The following FAM135B variants were observed in gnomAD, a reference collection of about 807,000 sequenced individuals.
FAM135B encodes the protein protein FAM135B.
In FAM135B, 43 loss-of-function variants were observed where a neutral mutation model predicts 127.7. The observed-to-expected ratio is 0.34, with a 90% CI of 0.26 to 0.43. FAM135B has a LOEUF of 0.43. Among genes scored for constraint, FAM135B ranks in the 20% least tolerant of loss-of-function variants. The probability of loss-of-function intolerance (pLI) is 1.00; values close to 1 mark genes in which losing one functional copy is unlikely to be tolerated. For synonymous variants in FAM135B, 670 were observed against 665.1 expected (o/e 1.01, Z -0.11); for missense variants, 1,558 against 1,725.6 (o/e 0.90, Z 1.72).
chr8:138,237,089 G>A (rs1442676011), intron 7 of FAM135B, among the ~76,000 whole-genome samples: 1 of 151,752 alleles, frequency 6.6e-6, no homozygotes, highest in African/African-American at 2.4e-5. Context: ...GAAGAAAAGT[G>A]GTGTGCAGCC....
At chr8:138,382,364 C>T (rs1831910290) in intron 1 of FAM135B, among the ~76,000 whole-genome samples, 1 of 152,170 alleles carries the variant, frequency 6.6e-6, no homozygotes, top group Non-Finnish European at 1.5e-5. Context: ...TCCTCTTTCT[C>T]CAGGGCTACA....
At chr8:138,201,338 G>C (rs1049637121) in intron 7 of FAM135B, among the ~76,000 whole-genome samples, 1 of 152,098 alleles carries the variant, frequency 6.6e-6, no homozygotes, top group Non-Finnish European at 1.5e-5. Flanking sequence ...GATTTTTCAA[G>C]GGACACTTTA....
intron 2 of FAM135B, among the ~76,000 whole-genome samples, chr8:138,323,567 G>T (rs773125466): frequency 1.3e-5 from 2 of 152,194 alleles, no homozygotes; most frequent in Non-Finnish European, 2.9e-5. Flanking sequence ...AGCAGAAGGA[G>T]AAGTCTGAGT....
chr8:138,182,002 G>C (rs1815085799), intron 9 of FAM135B, among the ~76,000 whole-genome samples: 1 of 152,096 alleles, frequency 6.6e-6, no homozygotes, highest in South Asian at 2.1e-4. Context: ...AGGTGGCTCG[G>C]TGTCCGTGGG....
At chr8:138,408,619 G>A (rs192053564) in intron 1 of FAM135B, among the ~76,000 whole-genome samples, 80 of 152,256 alleles carry the variant, frequency 5.3e-4, no homozygotes, top group Non-Finnish European at 8.8e-5. Context: ...TCACAGTCTT[G>A]CATGGCTGGG....
chr8:138,308,899 G>T (rs537838184), intron 3 of FAM135B: 93 of 370,376 alleles, frequency 2.5e-4, no homozygotes, highest in Non-Finnish European at 4.2e-4. Context: ...TCACTTCTAG[G>T]TCTCCTCTCC....
intron 1 of FAM135B, among the ~76,000 whole-genome samples, chr8:138,376,150 C>A (rs535567070): frequency 6.6e-6 from 1 of 152,042 alleles, no homozygotes; most frequent in African/African-American, 2.4e-5. Context: ...ACTGTGTTGG[C>A]CAGGCTGGTC....
intron 2 of FAM135B, among the ~76,000 whole-genome samples, chr8:138,358,878 C>T (rs193001556): frequency 6.6e-6 from 1 of 152,174 alleles, no homozygotes; most frequent in East Asian, 1.9e-4. Flanking sequence ...TCTGAGCTCA[C>T]CAGAGGCATT....
intron 9 of FAM135B, among the ~76,000 whole-genome samples, chr8:138,186,995 A>T (rs577190503): frequency 7.0e-4 from 107 of 152,112 alleles, no homozygotes; most frequent in African/African-American, 2.4e-3. Flanking sequence ...ATACTTGAGT[A>T]CCTCCCTCCT....
At position 138,151,222 on chromosome 8, in the gene FAM135B, C is replaced by T. The variant is rs1818113268; in HGVS notation, c.3253G>A (p.Asp1085Asn). Reference sequence around the variant, plus strand: ...AACATCCTCTCACTGACTTCCTCATCCAACGTGCTGGAATGGGTAGAAACA... The same window carrying T: ...AACATCCTCTCACTGACTTCCTCATTCAACGTGCTGGAATGGGTAGAAACA... Reference protein sequence around the residue: ...GVVSTHSSTLDEEVSERMFSF... With the variant: ...GVVSTHSSTLNEEVSERMFSF... Residue 1085 changes from aspartate to asparagine, a missense_variant, in exon 13 of 20, where the codon GAT becomes AAT. Asp to Asn is a conservative substitution (Grantham distance 23). Coordinates refer to ENST00000395297, the MANE Select transcript of FAM135B (RefSeq NM_015912.4). 2 of 1,550,188 alleles carry T rather than the reference C, an allele frequency of 1.3e-6. No homozygotes were observed. Among genetic ancestry groups the T allele is most frequent in the Non-Finnish European group, 8.7e-7 (1 of 1,148,236 alleles).
intron 2 of FAM135B, among the ~76,000 whole-genome samples, chr8:138,355,711 T>C (rs1830053456): frequency 6.6e-6 from 1 of 152,098 alleles, no homozygotes; most frequent in Non-Finnish European, 1.5e-5. Flanking sequence ...GAAGTCTGAG[T>C]ATAATTTCCT....
intron 2 of FAM135B, among the ~76,000 whole-genome samples, chr8:138,338,352 T>A (rs1167843006): frequency 6.6e-6 from 1 of 151,920 alleles, no homozygotes; most frequent in African/African-American, 2.4e-5. Flanking sequence ...ATTTTTGCAA[T>A]CTACTCATCT....
intron 19 of FAM135B, among the ~76,000 whole-genome samples, chr8:138,136,100 T>C (rs10105989): frequency 0.59 from 88,753 of 151,494 alleles, 26,635 homozygotes; most frequent in South Asian, 0.68. Context: ...TACTTTTCAT[T>C]ACATATACTA....
chr8:138,393,382 C>A (rs76711548), intron 1 of FAM135B, among the ~76,000 whole-genome samples: 5,114 of 151,816 alleles, frequency 0.034, 289 homozygotes, highest in African/African-American at 0.11. Flanking sequence ...TATAGGACTT[C>A]TCACAAACTT....
intron 1 of FAM135B, among the ~76,000 whole-genome samples, chr8:138,376,097 G>T (rs964687247): frequency 6.6e-6 from 1 of 151,966 alleles, no homozygotes. Context: ...GGGTTCAAGT[G>T]ATTCCTGGCT....
chr8:138,215,023 G>A (rs1405927838), intron 7 of FAM135B, among the ~76,000 whole-genome samples: 1 of 152,206 alleles, frequency 6.6e-6, no homozygotes, highest in Non-Finnish European at 1.5e-5. Flanking sequence ...ACATAAGAGA[G>A]AAGAAGGGAT....
intron 1 of FAM135B, among the ~76,000 whole-genome samples, chr8:138,426,850 T>C (rs959101926): frequency 5.3e-5 from 8 of 152,054 alleles, no homozygotes; most frequent in African/African-American, 1.7e-4. Context: ...TTTTGAGATA[T>C]GGCTTTTAAC....
Position 138,269,655 on chromosome 8 carries a change from A to G in FAM135B, c.158-3813T>C, listed in dbSNP as rs182751204. Among the ~76,000 whole-genome samples, 40 of 152,336 alleles carry G rather than the reference A, an allele frequency of 2.6e-4. 1 individual carries two copies. The East Asian group carries it at 6.2e-3, about 23-fold the overall frequency. ...CATATGGTTTAGAAAATGCTCCTGT[A>G]GTAAGGGAAATATAAGTTCTAGACT... is the stretch of plus-strand genomic sequence containing the variant. On this transcript the variant is annotated intron_variant, in intron 3 of 19. Coordinates refer to ENST00000395297, the MANE Select transcript of FAM135B (RefSeq NM_015912.4).
intron 7 of FAM135B, among the ~76,000 whole-genome samples, chr8:138,229,675 A>G (rs1356778696): frequency 1.3e-5 from 2 of 152,178 alleles, no homozygotes; most frequent in Non-Finnish European, 2.9e-5. Flanking sequence ...TCATGCTGCT[A>G]TAAAGAACTG....
Sources: gnomAD v4.1 joint callset for allele counts (sites outside exome capture counted in the v4.1 genomes callset) on GRCh38, gnomAD v4.1.1 for gene constraint, MANE v1.5 for transcripts, NCBI Gene and HGNC (gene_info 2026-07-23, HGNC 2026-07-21) for gene names.